The following OPRL1 variants were observed in gnomAD, a reference collection of about 807,000 sequenced individuals.
OPRL1 encodes opioid related nociceptin receptor 1, also known as nociceptin receptor.
In OPRL1, 5 loss-of-function variants were observed where a neutral mutation model predicts 15.5. That is an observed-to-expected ratio of 0.32 (90% CI 0.17 to 0.68). The LOEUF (loss-of-function observed/expected upper bound fraction) is 0.68. OPRL1 is among the 30% of genes least tolerant of loss of function. OPRL1 has a pLI of 0.72. For synonymous variants in OPRL1, 223 were observed against 230.2 expected (o/e 0.97, Z 0.28); for missense variants, 406 against 515.3 (o/e 0.79, Z 2.05).
At chr20:64,088,970 G>A (rs1342691918) in intron 1 of OPRL1, among the ~76,000 whole-genome samples, 1 of 140,820 alleles carries the variant, frequency 7.1e-6, no homozygotes, top group Non-Finnish European at 1.6e-5. Context: ...GTCTTTGCAA[G>A]GGGGCAGGAT....
At position 64,092,971 on chromosome 20, in the gene OPRL1, G is replaced by A; in HGVS notation, c.233+18G>A. On this transcript the variant is annotated intron_variant, in intron 3 of 4. Transcript: ENST00000336866. ...ATCCTCAGGTAGGCTGGGCCCCAAG[G>A]TTCCTGTCTGGTGAGTCCCACACGG... 1 of 1,607,956 alleles carries A rather than the reference G, an allele frequency of 6.2e-7. No individual in the cohort carries two copies. Among genetic ancestry groups the A allele is most frequent in the Non-Finnish European group, 8.5e-7 (1 of 1,175,938 alleles).
chr20:64,081,714 G>C (rs2059969694), intron 1 of OPRL1, among the ~76,000 whole-genome samples: 1 of 152,184 alleles, frequency 6.6e-6, no homozygotes, highest in African/African-American at 2.4e-5. Context: ...CCTTCCCATA[G>C]AGCTTTCTAC....
In OPRL1 at chr20:64,099,996, T is replaced by G. The variant is rs1453679450; in HGVS notation, c.*1197T>G. 1 of 151,776 alleles carries G rather than the reference T, an allele frequency of 6.6e-6. No homozygotes were observed. The highest frequency in any genetic ancestry group is 6.6e-5 in the Admixed American group (1 of 15,250). The allele number at this position is 151,776 out of a possible 1,614,324, so 9.4% of individuals were successfully genotyped here. A position where few individuals can be genotyped will look rare whatever the true frequency, so the allele number is the denominator to read the frequency against. On this transcript the variant is annotated 3_prime_UTR_variant, in exon 5 of 5. Coordinates refer to ENST00000336866, the MANE Select transcript of OPRL1 (RefSeq NM_182647.4). ...GGCTCTGTGTAGGGCCTGAGCTTGC[T>G]GCCCAACGGGAGGATGGCTTCACAG...
intron 1 of OPRL1, among the ~76,000 whole-genome samples, chr20:64,088,735 G>GA (rs2060086112): frequency 0.014 from 140 of 10,064 alleles, 29 homozygotes; most frequent in Non-Finnish European, 0.017. Flanking sequence ...TCTGTGCAAG[G>GA]GGTAGGATCT....
At chr20:64,096,584 A>G (rs1418088838) in intron 3 of OPRL1, among the ~76,000 whole-genome samples, 2 of 151,976 alleles carry the variant, frequency 1.3e-5, no homozygotes, top group Non-Finnish European at 2.9e-5. Context: ...GCTTATTCAT[A>G]ATCCCTCTCT....
chr20:64,081,100 G>C (rs1295761088), intron 1 of OPRL1, among the ~76,000 whole-genome samples: 1 of 151,850 alleles, frequency 6.6e-6, no homozygotes, highest in African/African-American at 2.4e-5. Context: ...GGAGGGCTGA[G>C]GAGGGGAGGG....
chr20:64,082,438 CA>C (rs1328093585), intron 1 of OPRL1, among the ~76,000 whole-genome samples: 3 of 152,192 alleles, frequency 2.0e-5, no homozygotes, highest in Non-Finnish European at 4.4e-5. Flanking sequence ...CGCAGGGCTC[CA>C]CCCCCTGGCC....
At chr20:64,080,705 G>T (rs2059957366) in intron 1 of OPRL1, among the ~76,000 whole-genome samples, 1 of 152,172 alleles carries the variant, frequency 6.6e-6, no homozygotes, top group African/African-American at 2.4e-5. Context: ...CCCTGTGTCA[G>T]GGTGGCCCTG....
In OPRL1 at chr20:64,098,735, G is replaced by A. The variant is rs1291862461; in HGVS notation, c.1049G>A (p.Arg350His). Residue 350 changes from arginine (R) to histidine (H), a missense_variant, in exon 5 of 5, where the codon CGC becomes CAC. By Grantham distance (29) the Arg-to-His change is conservative. Coordinates refer to ENST00000336866, the MANE Select transcript of OPRL1 (RefSeq NM_182647.4). ...GACGTGCAGGTGTCTGACCGCGTGC[G>A]CAGCATTGCCAAGGACGTGGCCCTG... ...RRDVQVSDRV[R>H]SIAKDVALAC... 6.2e-6 allele frequency: 10 copies of A among 1,611,078 alleles called. No individual in the cohort carries two copies. Among genetic ancestry groups the A allele is most frequent in the East Asian group, 2.2e-5 (1 of 44,884 alleles).
intron 1 of OPRL1, chr20:64,084,033 GA>G: frequency 6.6e-7 from 1 of 1,503,812 alleles, no homozygotes; most frequent in Non-Finnish European, 8.8e-7. Context: ...CCGAAGAGCA[GA>G]TGGCGGTGGC....
chr20:64,083,412 G>T lies in OPRL1; in HGVS notation c.-185+3060G>T, dbSNP rs781361402. ...ATAACTTTATGTGGGAGGCTGGGGC[G>T]CGTCGCACACTCTCAGTCGCCGTCA... On this transcript the variant is annotated intron_variant, in intron 1 of 4. Coordinates refer to ENST00000336866, the MANE Select transcript of OPRL1 (RefSeq NM_182647.4). This position sits in a 1 kb window ranked among gnomAD's most constrained non-coding sequence, Gnocchi z 4.9. 7 of 1,611,724 alleles carry T rather than the reference G, an allele frequency of 4.3e-6. No homozygotes were observed. Among genetic ancestry groups the T allele is most frequent in the Non-Finnish European group, 5.1e-6 (6 of 1,179,592 alleles).
intron 3 of OPRL1, among the ~76,000 whole-genome samples, chr20:64,095,525 A>C (rs1172138463): frequency 3.3e-5 from 5 of 151,150 alleles, no homozygotes; most frequent in Non-Finnish European, 5.9e-5. Context: ...ATCTATCCAG[A>C]GAAGAGAGAA....
At position 64,093,033 on chromosome 20, in the gene OPRL1, A is replaced by G. The variant is rs1044723187; in HGVS notation, c.233+80A>G. ...GAAACTGAGACGGGGTCTGTTCTGG[A>G]TGGGCCTGAGCAGGTGTTGATTTCC... On this transcript the variant is annotated intron_variant, in intron 3 of 4. Transcript: ENST00000336866. The G allele has an allele frequency of 8.6e-6, 11 of 1,283,166 alleles. No homozygotes were observed. In the South Asian group the frequency reaches 1.4e-4, roughly 17 times the overall value. The allele number at this position is 1,283,166 out of a possible 1,614,324, so 79.5% of individuals were successfully genotyped here.
chr20:64,098,603 C>T lies in OPRL1; in HGVS notation c.917C>T (p.Ala306Val), dbSNP rs762466539. 1 of 1,612,898 alleles carries T rather than the reference C, an allele frequency of 6.2e-7. No individual in the cohort carries two copies. Among genetic ancestry groups the T allele is most frequent in the South Asian group, 1.1e-5 (1 of 91,088 alleles). The change falls in exon 5 of 5, where the codon GCC becomes GTC. Residue 306 changes from alanine to valine, a missense_variant. Ala to Val is a moderately conservative substitution (Grantham distance 64). Coordinates refer to ENST00000336866, the MANE Select transcript of OPRL1 (RefSeq NM_182647.4). ...TAVAILRFCTALGYVNSCLNP... is the reference protein window; with the variant it reads ...TAVAILRFCTVLGYVNSCLNP... Reference sequence around the variant, plus strand: ...GTGGCCATTCTGCGCTTCTGCACGGCCCTGGGCTACGTCAACAGCTGCCTC... The same window carrying T: ...GTGGCCATTCTGCGCTTCTGCACGGTCCTGGGCTACGTCAACAGCTGCCTC...
rs1275953691 is a variant in OPRL1 at position 64,080,176 on chromosome 20, G to A, written c.-361G>A. On this transcript the variant is annotated 5_prime_UTR_variant, in exon 1 of 5. Coordinates refer to ENST00000336866, the MANE Select transcript of OPRL1 (RefSeq NM_182647.4). ...TGGAGCCCTGGCTCCCGGGCGGACG[G>A]AGCCGCACGGTAGTAGATGGGGGTG... 1 of 152,288 alleles carries A rather than the reference G, an allele frequency of 6.6e-6. No homozygotes were observed. The highest frequency in any genetic ancestry group is 1.9e-4 in the East Asian group (1 of 5,182). The allele number at this position is 152,288 out of a possible 1,614,324, so 9.4% of individuals were successfully genotyped here.
intron 2 of OPRL1, among the ~76,000 whole-genome samples, chr20:64,092,418 TA>T (rs975723496): frequency 3.9e-5 from 6 of 152,158 alleles, no homozygotes; most frequent in African/African-American, 1.4e-4. Context: ...TGTGAGTCTC[TA>T]AACCAAATGG....
At chr20:64,086,454 A>G (rs910056279) in intron 1 of OPRL1, 1 of 195,074 alleles carries the variant, frequency 5.1e-6, no homozygotes, top group East Asian at 1.9e-4. Flanking sequence ...GGGGTCCAGC[A>G]ACTGTGAGGG....
At chr20:64,088,568 T>A (rs2145585020) in intron 1 of OPRL1, among the ~76,000 whole-genome samples, 1 of 75,672 alleles carries the variant, frequency 1.3e-5, no homozygotes, top group African/African-American at 5.0e-5. Context: ...GCACTAGATC[T>A]TTGCAGGTGT....
Position 64,098,128 on chromosome 20 carries a change from T to C in OPRL1, c.560T>C (p.Ile187Thr). 6.2e-7 allele frequency: 1 copy of C among 1,613,224 alleles called. No homozygotes were observed. The highest frequency in any genetic ancestry group is 8.5e-7 in the Non-Finnish European group (1 of 1,179,988). Residue 187 changes from isoleucine to threonine, a missense_variant, in exon 4 of 5, where the codon ATC becomes ACC. Physicochemically the swap from Ile to Thr is moderately conservative, Grantham distance 89 (BLOSUM62 -1). Coordinates refer to ENST00000336866, the MANE Select transcript of OPRL1 (RefSeq NM_182647.4). The part of the protein sequence containing the change: ...LASVVGVPVA[I>T]MGSAQVEDEE... ...TCTGTTGTCGGTGTTCCCGTTGCCA[T>C]CATGGGCTCGGCACAGGTCGAGGAT...
Sources: gnomAD v4.1 joint callset for allele counts (sites outside exome capture counted in the v4.1 genomes callset) on GRCh38, gnomAD v4.1.1 for gene constraint, Gnocchi (gnomAD v3.1) non-coding constraint, MANE v1.5 for transcripts, NCBI Gene and HGNC (gene_info 2026-07-23, HGNC 2026-07-21) for gene names.